Variants in PPM1A observed in about 807,000 individuals in gnomAD.
PPM1A encodes protein phosphatase, Mg2+/Mn2+ dependent 1A, also known as protein phosphatase 1A.
PPM1A carries 7 observed loss-of-function variants against 35.0 expected under a neutral mutation model. The ratio of observed to expected loss-of-function variants is 0.20; its 90% CI spans 0.11 to 0.38. The LOEUF is 0.38. Ranked by LOEUF, PPM1A falls within the 10% of genes least tolerant of loss-of-function variation. PPM1A has a pLI of 1.00. For missense variants in PPM1A, 239 were observed against 467.8 expected (o/e 0.51, Z 4.51); for synonymous variants, 153 against 167.3 (o/e 0.91, Z 0.66).
intron 1 of PPM1A, among the ~76,000 whole-genome samples, chr14:60,253,831 G>A (rs1882725941): frequency 6.6e-6 from 1 of 152,140 alleles, no homozygotes; most frequent in African/African-American, 2.4e-5. Context: ...GATGTAATCA[G>A]TAGAGCCACA....
rs944972530 is a variant in PPM1A, at chr14:60,282,632, A to G, written c.-20-52A>G. On this transcript the variant is annotated intron_variant, in intron 1 of 5. Transcript: ENST00000395076. The surrounding 1 kb of genome is among the most constrained non-coding windows in gnomAD (Gnocchi z 5.1). ...ACTTATTAAAAAGATTGTTTGGTAC[A>G]TATTTTGTTTATAAGACAGTTATTG... The G allele has an allele frequency of 2.5e-5, 39 of 1,564,796 alleles. No homozygotes were observed. The highest frequency in any genetic ancestry group is 3.0e-5 in the Non-Finnish European group (35 of 1,154,762).
chr14:60,285,719 G>A lies in PPM1A; in HGVS notation c.930G>A (p.Lys310=), dbSNP rs765430673. The A allele has an allele frequency of 1.4e-5, 23 of 1,613,862 alleles. No homozygotes were observed. Among genetic ancestry groups the A allele is most frequent in the Non-Finnish European group, 1.8e-5 (21 of 1,179,920 alleles). Residue 310 remains lysine (K), a synonymous_variant, in exon 3 of 6, where the codon AAG becomes AAA. Transcript: ENST00000395076. ...TGAAGAAGGAGGCAGAGTTGGACAA[G>A]TACCTGGAATGCAGAGTAGAAGGTG... ...EAVKKEAELD[K]YLECRVEEII... is the part of the protein sequence containing the mutation.
intron 1 of PPM1A, among the ~76,000 whole-genome samples, chr14:60,279,536 T>C (rs1432462969): frequency 6.6e-6 from 1 of 152,214 alleles, no homozygotes; most frequent in Non-Finnish European, 1.5e-5. Flanking sequence ...TGTTTTGAGA[T>C]CTATAATTAG....
At chr14:60,269,665 C>T (rs1884849407) in intron 1 of PPM1A, among the ~76,000 whole-genome samples, 1 of 152,070 alleles carries the variant, frequency 6.6e-6, no homozygotes, top group African/African-American at 2.4e-5. Context: ...TCTCCTACCT[C>T]AACCTCCCGA....
intron 1 of PPM1A, among the ~76,000 whole-genome samples, chr14:60,265,245 C>T (rs781530853): frequency 1.3e-5 from 2 of 152,166 alleles, no homozygotes; most frequent in South Asian, 2.1e-4. Context: ...TCATCTAAAC[C>T]GTAGCCCCAT....
chr14:60,262,554 C>T (rs1413217830), intron 1 of PPM1A, among the ~76,000 whole-genome samples: 2 of 152,090 alleles, frequency 1.3e-5, no homozygotes, highest in Non-Finnish European at 2.9e-5. Flanking sequence ...GACGTGGTGG[C>T]ACATCTATAC....
In PPM1A at chr14:60,295,357, A is replaced by C. The variant is rs2139613420; in HGVS notation, c.*2875A>C. Reference sequence around the variant, plus strand: ...TCAATATTAGCATATACTTTAAAAAATCAAAGTGATAACTTAATTCAGCTT... The same window carrying C: ...TCAATATTAGCATATACTTTAAAAACTCAAAGTGATAACTTAATTCAGCTT... On this transcript the variant is annotated 3_prime_UTR_variant, in exon 6 of 6. Coordinates refer to ENST00000395076, the MANE Select transcript of PPM1A (RefSeq NM_021003.5). The C allele has an allele frequency of 6.6e-6, 1 of 151,862 alleles. No homozygotes were observed. The highest frequency in any genetic ancestry group is 2.4e-5 in the African/African-American group (1 of 41,526). 9.4% of individuals were successfully genotyped at this position (151,862 alleles called of 1,614,324 possible). A position where few individuals can be genotyped will look rare whatever the true frequency, so the allele number is the denominator to read the frequency against.
At chr14:60,277,028 T>C (rs978806765) in intron 1 of PPM1A, 12 of 1,193,210 alleles carry the variant, frequency 1.0e-5, no homozygotes, top group African/African-American at 1.6e-5. Flanking sequence ...AAAGTTCAGA[T>C]CAACTGATAA....
intron 5 of PPM1A, 124 bp downstream of exon 5, chr14:60,291,578 C>A: frequency 1.6e-6 from 1 of 635,820 alleles, no homozygotes; most frequent in African/African-American, 1.9e-5. Context: ...TGATTGATTG[C>A]TCTGAACTCT....
Position 60,281,272 on chromosome 14 carries a change from C to G in PPM1A, c.-20-1412C>G, listed in dbSNP as rs191337996. ...GATGATAGCTAGTTTTCATTACTTA[C>G]CTTTCGTTAGTTGAACTGTACTAGG... On this transcript the variant is annotated intron_variant, in intron 1 of 5. Transcript: ENST00000395076. Among the ~76,000 whole-genome samples, 242 of 152,206 alleles carry G rather than the reference C, an allele frequency of 1.6e-3. 1 individual carries two copies. The highest frequency in any genetic ancestry group is 4.9e-3 in the African/African-American group (202 of 41,532).
At position 60,289,627 on chromosome 14, in the gene PPM1A, A is replaced by G. The variant is rs772155345; in HGVS notation, c.953-179A>G. Among the ~76,000 whole-genome samples the G allele has an allele frequency of 1.0e-3, 151 of 150,820 alleles. No individual in the cohort carries two copies. Among genetic ancestry groups the G allele is most frequent in the Non-Finnish European group, 1.9e-3 (131 of 67,734 alleles). On this transcript the variant is annotated intron_variant, in intron 3 of 5. Coordinates refer to ENST00000395076, the MANE Select transcript of PPM1A (RefSeq NM_021003.5). This position sits in a 1 kb window ranked among gnomAD's most constrained non-coding sequence, Gnocchi z 4.1. The stretch of plus-strand genomic sequence containing the variant: ...GTTAATCTTATATGTCATTTTGTGC[A>G]TTTTTTGTCATAAATCTTCAAAGGT...
chr14:60,261,486 C>T (rs1277861874), intron 1 of PPM1A, among the ~76,000 whole-genome samples: 1 of 151,976 alleles, frequency 6.6e-6, no homozygotes, highest in Non-Finnish European at 1.5e-5. Flanking sequence ...TTTCTAGAAC[C>T]TTGTGTAGGA....
chr14:60,284,136 C>A (rs533140285), intron 2 of PPM1A, among the ~76,000 whole-genome samples: 1 of 152,080 alleles, frequency 6.6e-6, no homozygotes, highest in Non-Finnish European at 1.5e-5. Flanking sequence ...TGTCTCATGG[C>A]GTTGTCAGGA....
At position 60,298,753 on chromosome 14, in the gene PPM1A, T is replaced by A. The variant is rs1461618519; in HGVS notation, c.*6271T>A. 1 of 151,868 alleles carries A rather than the reference T, an allele frequency of 6.6e-6. No individual in the cohort carries two copies. The highest frequency in any genetic ancestry group is 2.4e-5 in the African/African-American group (1 of 41,426). 9.4% of individuals were successfully genotyped at this position (151,868 alleles called of 1,614,324 possible). A position where few individuals can be genotyped will look rare whatever the true frequency, so the allele number is the denominator to read the frequency against. On this transcript the variant is annotated 3_prime_UTR_variant, in exon 6 of 6. Coordinates refer to ENST00000395076, the MANE Select transcript of PPM1A (RefSeq NM_021003.5). ...TGCATTATATATTCATTTTTTAAAC[T>A]CTATAAATGTTAAGAATAATATAAT...
intron 3 of PPM1A, chr14:60,288,063 AT>A: frequency 1.0e-6 from 1 of 980,734 alleles, no homozygotes; most frequent in Non-Finnish European, 1.2e-6. Context: ...CTTAAAATTC[AT>A]TTATTTTTCT....
Position 60,294,694 on chromosome 14 carries a change from C to T in PPM1A, c.*2212C>T, listed in dbSNP as rs996913302. ...ATGTGATGGAAAGCTGTATTTCAAA[C>T]CATAACAGCATATTTAGAGCCTTTT... On this transcript the variant is annotated 3_prime_UTR_variant, in exon 6 of 6. Transcript: ENST00000395076. The T allele has an allele frequency of 5.3e-5, 8 of 151,332 alleles. No homozygotes were observed. Among genetic ancestry groups the T allele is most frequent in the African/African-American group, 1.9e-4 (8 of 41,278 alleles). 9.4% of individuals were successfully genotyped at this position (151,332 alleles called of 1,614,324 possible).
At chr14:60,259,368 G>A (rs1883493005) in intron 1 of PPM1A, among the ~76,000 whole-genome samples, 1 of 151,908 alleles carries the variant, frequency 6.6e-6, no homozygotes, top group Non-Finnish European at 1.5e-5. Context: ...TTCAACTTAA[G>A]TATACAAGGT....
chr14:60,285,882 G>A, intron 3 of PPM1A, 141 bp downstream of exon 3: 1 of 1,431,170 alleles, frequency 7.0e-7, no homozygotes, highest in Non-Finnish European at 9.2e-7. Context: ...GGACATTTCT[G>A]TAGTAGCTGT....
chr14:60,261,018 T>C (rs1595283734), intron 1 of PPM1A, among the ~76,000 whole-genome samples: 1 of 152,148 alleles, frequency 6.6e-6, no homozygotes, highest in South Asian at 2.1e-4. Flanking sequence ...CACTGTGAAT[T>C]GTTCAGCAGC....
Sources: allele counts gnomAD v4.1 joint callset (sites outside exome capture counted in the v4.1 genomes callset), GRCh38; gene constraint gnomAD v4.1.1; non-coding constraint Gnocchi (gnomAD v3.1); transcripts MANE v1.5; gene names NCBI Gene and HGNC (gene_info 2026-07-23, HGNC 2026-07-21).